The following DNMT3A variants were observed in gnomAD, a reference collection of about 807,000 sequenced individuals.
The protein encoded by DNMT3A is DNA (cytosine-5)-methyltransferase 3A.
Under a neutral mutation model 117.6 loss-of-function variants are expected in DNMT3A, and 267 were observed. The ratio of observed to expected loss-of-function variants is 2.27; its 90% CI spans 2.05 to 2.51. The LOEUF (loss-of-function observed/expected upper bound fraction) is 2.51. Among genes scored for constraint, DNMT3A ranks in the 30% most tolerant of loss-of-function variants. The probability of loss-of-function intolerance (pLI) is 0.00; values close to 1 mark genes in which losing one functional copy is unlikely to be tolerated. For missense variants in DNMT3A, 1,029 were observed against 1,260.2 expected, an observed-to-expected ratio of 0.82 and a Z score of 2.78; for synonymous variants, 432 against 474.8, an observed-to-expected ratio of 0.91 and a Z score of 1.17.
chr2:25,243,637 G>T (rs1256206410), intron 16 of DNMT3A, among the ~76,000 whole-genome samples: 2 of 152,152 alleles, frequency 1.3e-5, no homozygotes, highest in Non-Finnish European at 2.9e-5. Flanking sequence ...TGATCACTCG[G>T]CCTCTGTGGC....
At chr2:25,274,903 G>GCAGGACGGGCTGGGGCC in intron 6 of DNMT3A, 38 bp downstream of exon 6, 1 of 1,586,434 alleles carries the variant, frequency 6.3e-7, no homozygotes, top group Non-Finnish European at 8.6e-7. Flanking sequence ...TTCCAGTTCT[G>GCAGGACGGGCTGGGGCC]CAGGACGGGC....
At position 25,282,363 on chromosome 2, in the gene DNMT3A, T is replaced by G. The variant is rs562978251; in HGVS notation, c.448+78A>C. The G allele has an allele frequency of 3.9e-6, 6 of 1,548,594 alleles. No homozygotes were observed. In the African/African-American group the frequency reaches 6.8e-5, roughly 18 times the overall value. On this transcript the variant is annotated intron_variant, in intron 4 of 22. Transcript: ENST00000321117. The surrounding 1 kb of genome is among the most constrained non-coding windows in gnomAD (Gnocchi z 5.2). ...GACCCAGACCATCCTTCCTGGGACC[T>G]GCTGGAGAGCCAAGTCCCTGACTCT...
At chr2:25,331,031 C>T (rs986048195) in intron 1 of DNMT3A, among the ~76,000 whole-genome samples, 12 of 152,014 alleles carry the variant, frequency 7.9e-5, no homozygotes, top group Admixed American at 1.3e-4. Flanking sequence ...AGTGCAGAAG[C>T]GAGGGAGGGA....
At chr2:25,342,177 C>T (rs1473721544), upstream of DNMT3A, among the ~76,000 whole-genome samples, 1 of 145,622 alleles carries the variant, frequency 6.9e-6, no homozygotes, top group Admixed American at 6.8e-5. The surrounding 1 kb of genome is among the most constrained non-coding windows in gnomAD (Gnocchi z 5.9). Flanking sequence ...CTGGGGGGCC[C>T]CGGGGCGCCG....
intron 6 of DNMT3A, among the ~76,000 whole-genome samples, chr2:25,267,345 A>G (rs1045397559): frequency 6.6e-6 from 1 of 152,152 alleles, no homozygotes; most frequent in Non-Finnish European, 1.5e-5. Flanking sequence ...AGGTGGAGGC[A>G]AAAGGACTGC....
In DNMT3A at chr2:25,240,312, C is replaced by A. The variant is rs757823678; in HGVS notation, c.2312G>T (p.Arg771Leu). 4 of 1,613,998 alleles carry A rather than the reference C, an allele frequency of 2.5e-6. No homozygotes were observed. Among genetic ancestry groups the A allele is most frequent in the African/African-American group, 1.3e-5 (1 of 74,924 alleles). The change falls in exon 19 of 23, where the codon CGA becomes CTA. Residue 771 changes from arginine to leucine, a missense_variant. Physicochemically the swap from Arg to Leu is moderately radical, Grantham distance 102. Coordinates refer to ENST00000321117, the MANE Select transcript of DNMT3A (RefSeq NM_022552.5). ...GGTTGCTGGCTATACCTCGAGAAAT[C>A]GCGAGATGTCCCTCTTGTCACTAAC... ...MGVSDKRDIS[R>L]FLESNPVMID...
At position 25,305,515 on chromosome 2, in the gene DNMT3A, T is replaced by G. The variant is rs915365137; in HGVS notation, c.73-5272A>C. ...TGTTATTTCATTGTATTCTTACACT[T>G]TACAGAAAGCAGAGCTGGTATTATT... On this transcript the variant is annotated intron_variant, in intron 2 of 22. Coordinates refer to ENST00000321117, the MANE Select transcript of DNMT3A (RefSeq NM_022552.5). The surrounding 1 kb of genome is among the most constrained non-coding windows in gnomAD (Gnocchi z 4.1). Among the ~76,000 whole-genome samples the G allele has an allele frequency of 1.2e-4, 19 of 152,224 alleles. No homozygotes were observed. The highest frequency in any genetic ancestry group is 4.3e-4 in the African/African-American group (18 of 41,446).
chr2:25,288,510 C>A (rs765317025), intron 3 of DNMT3A, among the ~76,000 whole-genome samples: 2 of 151,852 alleles, frequency 1.3e-5, no homozygotes, highest in East Asian at 2.0e-4. Flanking sequence ...TGGGATTTCA[C>A]CATCTTGGCC....
rs1674926053 is a variant in DNMT3A at position 25,247,223 on chromosome 2, G to A, written c.1015-65C>T. The A allele has an allele frequency of 8.6e-6, 13 of 1,515,748 alleles. No individual in the cohort carries two copies. The East Asian group carries it at 3.0e-4, about 36-fold the overall frequency. The allele number at this position is 1,515,748 out of a possible 1,614,324, so 93.9% of individuals were successfully genotyped here. ...CTTGCAAGCACCCACCCCATGCCTT[G>A]CAACTGGCAGGGGCTGGGAGCCTCG... is the stretch of plus-strand genomic sequence containing the variant. On this transcript the variant is annotated intron_variant, in intron 8 of 22. Coordinates refer to ENST00000321117, the MANE Select transcript of DNMT3A (RefSeq NM_022552.5). The surrounding 1 kb of genome is among the most constrained non-coding windows in gnomAD (Gnocchi z 5.6).
chr2:25,309,899 A>G (rs1264318109), intron 2 of DNMT3A, among the ~76,000 whole-genome samples: 1 of 151,946 alleles, frequency 6.6e-6, no homozygotes, highest in Non-Finnish European at 1.5e-5. Flanking sequence ...TAAAAAAAAA[A>G]ATACAAAAAA....
chr2:25,274,394 G>C (rs2031212544), intron 6 of DNMT3A, among the ~76,000 whole-genome samples: 1 of 152,236 alleles, frequency 6.6e-6, no homozygotes, highest in African/African-American at 2.4e-5. Context: ...GGCAGACTCT[G>C]CAGGTCTCCA....
In DNMT3A at chr2:25,245,240, G is replaced by T; in HGVS notation, c.1554+13C>A. The T allele has an allele frequency of 6.2e-7, 1 of 1,613,206 alleles. No homozygotes were observed. Among genetic ancestry groups the T allele is most frequent in the Non-Finnish European group, 8.5e-7 (1 of 1,179,588 alleles). ...GCCTCAACGGCACCTCTCCTGGGTG[G>T]GTGTGCTCCTACCTTGCAGTTTTGG... On this transcript the variant is annotated intron_variant, in intron 13 of 22. Coordinates refer to ENST00000321117, the MANE Select transcript of DNMT3A (RefSeq NM_022552.5).
rs2035409472 is a variant in DNMT3A at position 25,341,050 on chromosome 2, G to A, written c.-178+776C>T. ...CAAGGCGGGCGCTCTCCCCGGCCCCGCCGCCCCTCCCGGCCCCGCCGGCGC... is the reference window on the plus strand; with the variant it reads ...CAAGGCGGGCGCTCTCCCCGGCCCCACCGCCCCTCCCGGCCCCGCCGGCGC... On this transcript the variant is annotated intron_variant, in intron 1 of 22. Coordinates refer to ENST00000321117, the MANE Select transcript of DNMT3A (RefSeq NM_022552.5). Among the ~76,000 whole-genome samples, 3 of 144,662 alleles carry A rather than the reference G, an allele frequency of 2.1e-5. No homozygotes were observed. The South Asian group carries it at 6.4e-4, about 31-fold the overall frequency. 94.9% of individuals were successfully genotyped at this position (144,662 alleles called of 152,430 possible).
rs1222098175 is a variant in DNMT3A, at chr2:25,247,248, G to C, written c.1015-90C>G. On this transcript the variant is annotated intron_variant, in intron 8 of 22. Transcript: ENST00000321117. The surrounding 1 kb of genome is among the most constrained non-coding windows in gnomAD (Gnocchi z 5.6). ...GCAACTGGCAGGGGCTGGGAGCCTC[G>C]AGAGTCAGTCTCAGCCCTGGAGGGG... 6.8e-6 allele frequency: 9 copies of C among 1,320,766 alleles called. No individual in the cohort carries two copies. The Admixed American group carries it at 1.3e-4, about 20-fold the overall frequency. 81.8% of individuals were successfully genotyped at this position (1,320,766 alleles called of 1,614,324 possible). A position where few individuals can be genotyped will look rare whatever the true frequency, so the allele number is the denominator to read the frequency against.
intron 6 of DNMT3A, among the ~76,000 whole-genome samples, chr2:25,271,952 C>T (rs957758867): frequency 3.3e-5 from 5 of 152,146 alleles, no homozygotes; most frequent in Non-Finnish European, 5.9e-5. Context: ...CTCTCTGCTT[C>T]TGCATATGTT....
rs779176507 is a variant in DNMT3A at position 25,241,591 on chromosome 2, C to T, written c.2053G>A (p.Gly685Arg). The T allele has an allele frequency of 8.1e-6, 13 of 1,613,150 alleles. No individual in the cohort carries two copies. The highest frequency in any genetic ancestry group is 2.7e-5 in the African/African-American group (2 of 74,880). Residue 685 changes from glycine to arginine, a missense_variant, in exon 17 of 23, where the codon GGG becomes AGG. Coordinates refer to ENST00000321117, the MANE Select transcript of DNMT3A (RefSeq NM_022552.5). ...VRHQGKIMYV[G>R]DVRSVTQKHI... ...TTCTGTGTGACGCTGCGGACGTCCC[C>T]GACGTACATGATCTTCCCCTGGTGC...
At chr2:25,264,102 T>A (rs2029942498) in intron 6 of DNMT3A, among the ~76,000 whole-genome samples, 1 of 148,240 alleles carries the variant, frequency 6.7e-6, no homozygotes, top group Admixed American at 6.7e-5. Flanking sequence ...GCACACAGTA[T>A]CTGCTCAGTA....
At chr2:25,314,300 G>A (rs1006166171) in intron 1 of DNMT3A, 139 bp from the exon 2 acceptor site, 4 of 1,196,432 alleles carry the variant, frequency 3.3e-6, no homozygotes, top group Admixed American at 4.2e-5. Context: ...CCAGAGAGCA[G>A]AGAAACCGAG....
intron 4 of DNMT3A, among the ~76,000 whole-genome samples, chr2:25,280,536 C>T (rs1012705702): frequency 1.8e-4 from 28 of 152,214 alleles, no homozygotes; most frequent in Admixed American, 1.2e-3. Context: ...CTTCAGCTCG[C>T]GCTGGACAGC....
Sources: gnomAD v4.1 joint callset for allele counts (sites outside exome capture counted in the v4.1 genomes callset) on GRCh38, gnomAD v4.1.1 for gene constraint, Gnocchi (gnomAD v3.1) non-coding constraint, MANE v1.5 for transcripts, NCBI Gene and HGNC (gene_info 2026-07-23, HGNC 2026-07-21) for gene names.